HOOK3: variants seen among roughly 807,000 people sequenced by gnomAD.
HOOK3 encodes the protein protein Hook homolog 3.
In HOOK3, 24 loss-of-function variants were observed where a neutral mutation model predicts 116.3. The observed-to-expected ratio is 0.21, with a 90% CI of 0.15 to 0.29. The LOEUF (loss-of-function observed/expected upper bound fraction) is 0.29. Among genes scored for constraint, HOOK3 ranks in the 10% least tolerant of loss-of-function variants. HOOK3 has a pLI of 1.00. For synonymous variants in HOOK3, 275 were observed against 283.0 expected, an observed-to-expected ratio of 0.97 and a Z score of 0.28; for missense variants, 632 against 830.2, an observed-to-expected ratio of 0.76 and a Z score of 2.93.
chr8:43,002,223 C>A (rs572544363), intron 17 of HOOK3, 82 bp downstream of exon 17: 5 of 1,025,162 alleles, frequency 4.9e-6, no homozygotes, highest in African/African-American at 4.8e-5. Flanking sequence ...TGTGTCTGGG[C>A]GTTGGCACAG....
Position 43,021,104 on chromosome 8 carries a change from GAAAAAAAAAAAAAAAAA to G in HOOK3, c.*2619_*2635del, listed in dbSNP as rs34161624. 2.5e-4 allele frequency: 8 copies of G among 32,286 alleles called. No homozygotes were observed. The highest frequency in any genetic ancestry group is 0.014 in the Middle Eastern group (1 of 74). 2.0% of individuals were successfully genotyped at this position (32,286 alleles called of 1,614,324 possible). A position where few individuals can be genotyped will look rare whatever the true frequency, so the allele number is the denominator to read the frequency against. ...CGACAAGAGCGAAACTCTGTCGCAA[GAAAAAAAAAAAAAAAAA>G]AAAAAAAAAAAACAGTCTGTGAACT... On this transcript the variant is annotated 3_prime_UTR_variant, in exon 22 of 22. Transcript: ENST00000307602.
rs955447586 is a variant in HOOK3, at chr8:43,026,024, A to G, written c.*7526A>G. 1.4e-5 allele frequency: 3 copies of G among 210,804 alleles called. No individual in the cohort carries two copies. The highest frequency in any genetic ancestry group is 6.8e-5 in the African/African-American group (3 of 44,196). The allele number at this position is 210,804 out of a possible 1,614,324, so 13.1% of individuals were successfully genotyped here. ...AGAATTAGGTATCATGAGAAAAGCA[A>G]CTCCTACTTGAGAGAAAGAAGACTA... On this transcript the variant is annotated 3_prime_UTR_variant, in exon 22 of 22. Coordinates refer to ENST00000307602, the MANE Select transcript of HOOK3 (RefSeq NM_032410.4).
At chr8:42,920,278 G>A (rs1329904564) in intron 2 of HOOK3, among the ~76,000 whole-genome samples, 1 of 152,006 alleles carries the variant, frequency 6.6e-6, no homozygotes, top group Non-Finnish European at 1.5e-5. Flanking sequence ...TGTTTTATTC[G>A]AGCCTGCGAC....
At chr8:42,991,749 T>C (rs538102761) in intron 15 of HOOK3, among the ~76,000 whole-genome samples, 3 of 152,192 alleles carry the variant, frequency 2.0e-5, no homozygotes, top group Admixed American at 2.0e-4. Flanking sequence ...TACTTTGTTT[T>C]TGTTTTTTTT....
intron 4 of HOOK3, among the ~76,000 whole-genome samples, chr8:42,931,415 C>G (rs1330786042): frequency 7.1e-6 from 1 of 141,438 alleles, no homozygotes; most frequent in Non-Finnish European, 1.5e-5. Flanking sequence ...CCATTATATT[C>G]TTCTCTTCTC....
chr8:43,017,315 A>G (rs1004781870), intron 21 of HOOK3, among the ~76,000 whole-genome samples: 3 of 152,240 alleles, frequency 2.0e-5, no homozygotes, highest in Admixed American at 6.5e-5. Flanking sequence ...TTCCCATGCT[A>G]CAGTGCGGTG....
chr8:42,908,178 A>G (rs1431538826), intron 2 of HOOK3, among the ~76,000 whole-genome samples: 2 of 152,258 alleles, frequency 1.3e-5, no homozygotes, highest in Non-Finnish European at 2.9e-5. Flanking sequence ...GAAGTCTGCA[A>G]TAAAGGAAAG....
intron 8 of HOOK3, among the ~76,000 whole-genome samples, chr8:42,962,075 C>T (rs533366631): frequency 1.1e-4 from 16 of 151,932 alleles, no homozygotes; most frequent in Non-Finnish European, 2.2e-4. Context: ...GTGTGAGCCA[C>T]CTCATCTGGC....
intron 16 of HOOK3, among the ~76,000 whole-genome samples, chr8:43,000,631 A>T (rs1809361693): frequency 6.6e-6 from 1 of 152,114 alleles, no homozygotes; most frequent in African/African-American, 2.4e-5. Context: ...GCAGCATAGG[A>T]AGCATAGAGG....
At chr8:42,931,681 C>T (rs1807876383) in intron 4 of HOOK3, among the ~76,000 whole-genome samples, 2 of 151,958 alleles carry the variant, frequency 1.3e-5, no homozygotes, top group Non-Finnish European at 2.9e-5. Flanking sequence ...ATCTGCCCGC[C>T]TCGGCCTCCC....
intron 1 of HOOK3, among the ~76,000 whole-genome samples, chr8:42,904,022 G>A (rs1206042377): frequency 1.3e-5 from 2 of 152,102 alleles, no homozygotes; most frequent in Non-Finnish European, 2.9e-5. Flanking sequence ...CTCACCCACC[G>A]TTAGTAAGAG....
intron 2 of HOOK3, among the ~76,000 whole-genome samples, chr8:42,921,496 C>T (rs1166963497): frequency 2.0e-5 from 3 of 152,098 alleles, no homozygotes; most frequent in Non-Finnish European, 2.9e-5. Flanking sequence ...TTTTGATTAT[C>T]TATTTTTCTA....
chr8:42,966,318 CAGTT>C lies in HOOK3; in HGVS notation c.780-151_780-148del, dbSNP rs1170436840. Among the ~76,000 whole-genome samples the C allele has an allele frequency of 2.0e-5, 3 of 152,104 alleles. No homozygotes were observed. In the South Asian group the frequency reaches 6.2e-4, roughly 32 times the overall value. On this transcript the variant is annotated intron_variant, in intron 9 of 21. Transcript: ENST00000307602. Reference sequence around the variant, plus strand: ...GGGACAGTGGAGTTCATTTTTATGACAGTTAGTGCTTGAGAATGCAGCTTGTGGC... The same window carrying C: ...GGGACAGTGGAGTTCATTTTTATGACAGTGCTTGAGAATGCAGCTTGTGGC...
chr8:42,978,446 T>C (rs560848183), intron 13 of HOOK3, among the ~76,000 whole-genome samples: 2 of 151,366 alleles, frequency 1.3e-5, no homozygotes, highest in East Asian at 3.9e-4. Flanking sequence ...GTCTCACTCT[T>C]GTCCCCCAGG....
At chr8:42,900,067 G>A (rs1265548744) in intron 1 of HOOK3, among the ~76,000 whole-genome samples, 1 of 152,172 alleles carries the variant, frequency 6.6e-6, no homozygotes, top group Non-Finnish European at 1.5e-5. Flanking sequence ...TCATATGCTA[G>A]ATAAATTGCC....
intron 2 of HOOK3, among the ~76,000 whole-genome samples, chr8:42,909,704 A>G (rs900847027): frequency 1.3e-4 from 20 of 152,314 alleles, no homozygotes; most frequent in African/African-American, 2.9e-4. Context: ...GGCTCAAGCA[A>G]TCCTCCTGCC....
intron 1 of HOOK3, among the ~76,000 whole-genome samples, chr8:42,901,097 A>G (rs190673347): frequency 1.0e-3 from 157 of 152,352 alleles, no homozygotes; most frequent in African/African-American, 3.6e-3. Context: ...CTAGATGACA[A>G]TAGCACCCAA....
intron 15 of HOOK3, among the ~76,000 whole-genome samples, chr8:42,995,640 A>G (rs146954252): frequency 3.3e-5 from 5 of 152,258 alleles, no homozygotes; most frequent in East Asian, 1.9e-4. Flanking sequence ...TGTATGTTCA[A>G]CTCAGGCTTC....
At chr8:42,929,981 C>T in intron 3 of HOOK3, 141 bp from the exon 4 acceptor site, 3 of 722,726 alleles carry the variant, frequency 4.2e-6, no homozygotes, top group South Asian at 3.9e-5. Flanking sequence ...GATGATAATT[C>T]AAATATGCTT....
Sources: allele counts gnomAD v4.1 joint callset (sites outside exome capture counted in the v4.1 genomes callset), GRCh38; gene constraint gnomAD v4.1.1; transcripts MANE v1.5; gene names NCBI Gene and HGNC (gene_info 2026-07-23, HGNC 2026-07-21).